The following RTL10 variants were observed in gnomAD, a reference collection of about 807,000 sequenced individuals.
The protein encoded by RTL10 is protein Bop.
For missense variants in RTL10, 477 were observed against 470.7 expected, an observed-to-expected ratio of 1.01 and a Z score of -0.12; for synonymous variants, 199 against 188.4, an observed-to-expected ratio of 1.06 and a Z score of -0.46.
At position 19,849,218 on chromosome 22, in the gene RTL10, T is replaced by C; in HGVS notation, c.*1949A>G. ...TTCTAAAAATAGCTTCCCACCTATT[T>C]CCAAGGTTTCCAGTTGTTTTACCTA... On this transcript the variant is annotated 3_prime_UTR_variant, in exon 3 of 3. Transcript: ENST00000328554. 1.0e-6 allele frequency: 1 copy of C among 985,374 alleles called. No individual in the cohort carries two copies. 61.0% of individuals were successfully genotyped at this position (985,374 alleles called of 1,614,324 possible).
chr22:19,849,030 G>C lies in RTL10; in HGVS notation c.*2137C>G. 1 of 985,522 alleles carries C rather than the reference G, an allele frequency of 1.0e-6. No homozygotes were observed. Among genetic ancestry groups the C allele is most frequent in the Non-Finnish European group, 1.2e-6 (1 of 829,988 alleles). The allele number at this position is 985,522 out of a possible 1,614,324, so 61.0% of individuals were successfully genotyped here. On this transcript the variant is annotated 3_prime_UTR_variant, in exon 3 of 3. Coordinates refer to ENST00000328554, the MANE Select transcript of RTL10 (RefSeq NM_024627.6). ...CAGTCTGACCCAACCCACAAAAGGGGGGATGGGGCCTGAGTCATCGGACGG... is the reference window on the plus strand; with the variant it reads ...CAGTCTGACCCAACCCACAAAAGGGCGGATGGGGCCTGAGTCATCGGACGG...
In RTL10 at chr22:19,848,215, A is replaced by G. The variant is rs2145903195; in HGVS notation, c.*2952T>C. ...TCATGTCCTATCTTCAGGAAATAAA[A>G]TCTCTGGGTATTTCCAAGGGAAGTG... On this transcript the variant is annotated 3_prime_UTR_variant, in exon 3 of 3. Transcript: ENST00000328554. The G allele has an allele frequency of 1.0e-6, 1 of 985,354 alleles. No individual in the cohort carries two copies. The highest frequency in any genetic ancestry group is 1.1e-4 in the East Asian group (1 of 8,818). 61.0% of individuals were successfully genotyped at this position (985,354 alleles called of 1,614,324 possible).
At position 19,847,134 on chromosome 22, in the gene RTL10, C is replaced by CTGCTG. The variant is rs1373547400; in HGVS notation, c.*4028_*4032dup. On this transcript the variant is annotated 3_prime_UTR_variant, in exon 3 of 3. Coordinates refer to ENST00000328554, the MANE Select transcript of RTL10 (RefSeq NM_024627.6). Reference sequence around the variant, plus strand: ...TGGGGTGACACACATTACTTGTGGCCTGCTGTGGCCTTTCCCCTGCCTCAG... The same window carrying CTGCTG: ...TGGGGTGACACACATTACTTGTGGCCTGCTGTGCTGTGGCCTTTCCCCTGCCTCAG... 2 of 985,314 alleles carry CTGCTG rather than the reference C, an allele frequency of 2.0e-6. No individual in the cohort carries two copies. Among genetic ancestry groups the CTGCTG allele is most frequent in the African/African-American group, 3.5e-5 (2 of 57,218 alleles). 61.0% of individuals were successfully genotyped at this position (985,314 alleles called of 1,614,324 possible). A position where few individuals can be genotyped will look rare whatever the true frequency, so the allele number is the denominator to read the frequency against.
At chr22:19,853,337 T>C (rs1291657798) in intron 2 of RTL10, among the ~76,000 whole-genome samples, 2 of 152,052 alleles carry the variant, frequency 1.3e-5, no homozygotes, top group Non-Finnish European at 2.9e-5. Flanking sequence ...CCGCCCCTCC[T>C]TCTCCACGCA....
chr22:19,850,962 G>C lies in RTL10; in HGVS notation c.*205C>G. 11 of 1,380,068 alleles carry C rather than the reference G, an allele frequency of 8.0e-6. No individual in the cohort carries two copies. Among genetic ancestry groups the C allele is most frequent in the Non-Finnish European group, 1.0e-5 (11 of 1,070,764 alleles). The allele number at this position is 1,380,068 out of a possible 1,614,324, so 85.5% of individuals were successfully genotyped here. A position where few individuals can be genotyped will look rare whatever the true frequency, so the allele number is the denominator to read the frequency against. ...CAGCAGAGAGCCAGCAGCAGGGAAAGGGCACAGGGCGGAGGTCAAGCTCTG... is the reference window on the plus strand; with the variant it reads ...CAGCAGAGAGCCAGCAGCAGGGAAACGGCACAGGGCGGAGGTCAAGCTCTG... On this transcript the variant is annotated 3_prime_UTR_variant, in exon 3 of 3. Coordinates refer to ENST00000328554, the MANE Select transcript of RTL10 (RefSeq NM_024627.6).
Position 19,848,571 on chromosome 22 carries a change from C to G in RTL10, c.*2596G>C. 2 of 985,544 alleles carry G rather than the reference C, an allele frequency of 2.0e-6. No homozygotes were observed. Among genetic ancestry groups the G allele is most frequent in the South Asian group, 4.7e-5 (1 of 21,294 alleles). The allele number at this position is 985,544 out of a possible 1,614,324, so 61.0% of individuals were successfully genotyped here. On this transcript the variant is annotated 3_prime_UTR_variant, in exon 3 of 3. Transcript: ENST00000328554. ...TGTGCAGGAAACCTGGACATCACCA[C>G]TTCAAGGCCCTACCTTCCTTTCTGG... is the stretch of plus-strand genomic sequence containing the variant.
In RTL10 at chr22:19,852,324, A is replaced by G. The variant is rs1938128153; in HGVS notation, c.-63T>C. Reference sequence around the variant, plus strand: ...TGGTGGGTGGTGGGGGTGTGGACAGATGTGGCTTGCACGACACAACAGGAC... The same window carrying G: ...TGGTGGGTGGTGGGGGTGTGGACAGGTGTGGCTTGCACGACACAACAGGAC... On this transcript the variant is annotated 5_prime_UTR_variant, in exon 3 of 3. Transcript: ENST00000328554. 2 of 1,531,554 alleles carry G rather than the reference A, an allele frequency of 1.3e-6. No individual in the cohort carries two copies. Among genetic ancestry groups the G allele is most frequent in the Non-Finnish European group, 1.8e-6 (2 of 1,129,598 alleles). The allele number at this position is 1,531,554 out of a possible 1,614,324, so 94.9% of individuals were successfully genotyped here.
rs753414237 is a variant in RTL10, at chr22:19,851,195, C to T, written c.1067G>A (p.Gly356Glu). The change falls in exon 3 of 3, where the codon GGA becomes GAA. Residue 356 changes from glycine to glutamate, a missense_variant. Transcript: ENST00000328554. ...QEVVEAPETPGEPPLSPGF is the reference protein window; with the variant it reads ...QEVVEAPETPEEPPLSPGF ...GAACCCAGGAGAAAGTGGTGGCTCT[C>T]CTGGGGTCTCCGGGGCCTCCACCAC... 2 of 1,591,160 alleles carry T rather than the reference C, an allele frequency of 1.3e-6. No homozygotes were observed. Among genetic ancestry groups the T allele is most frequent in the Non-Finnish European group, 1.7e-6 (2 of 1,168,056 alleles).
chr22:19,848,795 T>C lies in RTL10; in HGVS notation c.*2372A>G, dbSNP rs527796318. 2.1e-5 allele frequency: 21 copies of C among 984,922 alleles called. 1 individual carries two copies. The South Asian group carries it at 8.5e-4, about 40-fold the overall frequency. The allele number at this position is 984,922 out of a possible 1,614,324, so 61.0% of individuals were successfully genotyped here. ...GCCCCAAAGCCCCAATAGGACAGGG[T>C]TCAAAAGAGAAGGCAGCAATCCCAG... On this transcript the variant is annotated 3_prime_UTR_variant, in exon 3 of 3. Coordinates refer to ENST00000328554, the MANE Select transcript of RTL10 (RefSeq NM_024627.6).
chr22:19,847,195 C>T lies in RTL10; in HGVS notation c.*3972G>A. The T allele has an allele frequency of 1.2e-5, 12 of 985,466 alleles. No individual in the cohort carries two copies. Among genetic ancestry groups the T allele is most frequent in the Non-Finnish European group, 1.4e-5 (12 of 829,950 alleles). 61.0% of individuals were successfully genotyped at this position (985,466 alleles called of 1,614,324 possible). ...GAAATATGTCCAGGTAGGCTGTCGT[C>T]AGCACAGGTCTGACAGGCCCCAGCC... On this transcript the variant is annotated 3_prime_UTR_variant, in exon 3 of 3. Transcript: ENST00000328554.
chr22:19,850,420 C>A lies in RTL10; in HGVS notation c.*747G>T, dbSNP rs1938066752. On this transcript the variant is annotated 3_prime_UTR_variant, in exon 3 of 3. Coordinates refer to ENST00000328554, the MANE Select transcript of RTL10 (RefSeq NM_024627.6). ...GCGGAGTGAGCAGGGGATGGCAGCA[C>A]AGCAGCAGGGAAGAGGAGCCTGCTT... 1.0e-6 allele frequency: 1 copy of A among 992,312 alleles called. No homozygotes were observed. Among genetic ancestry groups the A allele is most frequent in the South Asian group, 4.7e-5 (1 of 21,362 alleles). The allele number at this position is 992,312 out of a possible 1,614,324, so 61.5% of individuals were successfully genotyped here. A position where few individuals can be genotyped will look rare whatever the true frequency, so the allele number is the denominator to read the frequency against.
At position 19,847,441 on chromosome 22, in the gene RTL10, A is replaced by G; in HGVS notation, c.*3726T>C. 14 of 985,164 alleles carry G rather than the reference A, an allele frequency of 1.4e-5. No individual in the cohort carries two copies. The highest frequency in any genetic ancestry group is 1.7e-5 in the Non-Finnish European group (14 of 829,868). 61.0% of individuals were successfully genotyped at this position (985,164 alleles called of 1,614,324 possible). A position where few individuals can be genotyped will look rare whatever the true frequency, so the allele number is the denominator to read the frequency against. ...ATGAGGTGGGTGTTAGAGGGCCCAGACCCCAGCCAAGGCACTGCATGGGCA... is the reference window on the plus strand; with the variant it reads ...ATGAGGTGGGTGTTAGAGGGCCCAGGCCCCAGCCAAGGCACTGCATGGGCA... On this transcript the variant is annotated 3_prime_UTR_variant, in exon 3 of 3. Transcript: ENST00000328554.
chr22:19,853,973 TC>T (rs1051294612), intron 2 of RTL10, among the ~76,000 whole-genome samples: 3 of 152,094 alleles, frequency 2.0e-5, no homozygotes, highest in Non-Finnish European at 4.4e-5. Flanking sequence ...TTCTTCCCAG[TC>T]CCCTACCCTG....
rs73379993 is a variant in RTL10, at chr22:19,846,345, C to T, written c.*4822G>A. On this transcript the variant is annotated 3_prime_UTR_variant, in exon 3 of 3. Transcript: ENST00000328554. ...ATACAGGATAATGCCTTTGTACCCC[C>T]CAGGTAGGGAAAGATTTCTTAAGTG... is the stretch of plus-strand genomic sequence containing the variant. The T allele has an allele frequency of 2.8e-3, 2,450 of 863,440 alleles. 47 individuals are homozygous for T. The African/African-American group carries it at 0.041, about 15-fold the overall frequency. 53.5% of individuals were successfully genotyped at this position (863,440 alleles called of 1,614,324 possible). A position where few individuals can be genotyped will look rare whatever the true frequency, so the allele number is the denominator to read the frequency against.
At position 19,846,466 on chromosome 22, in the gene RTL10, G is replaced by T; in HGVS notation, c.*4701C>A. On this transcript the variant is annotated 3_prime_UTR_variant, in exon 3 of 3. Coordinates refer to ENST00000328554, the MANE Select transcript of RTL10 (RefSeq NM_024627.6). ...CTCAGTATGGGCCCCAGAACCCAGG[G>T]CCTGGGGGACTCTGCACACAGGCAT... 1 of 985,016 alleles carries T rather than the reference G, an allele frequency of 1.0e-6. No individual in the cohort carries two copies. Among genetic ancestry groups the T allele is most frequent in the Non-Finnish European group, 1.2e-6 (1 of 829,590 alleles). The allele number at this position is 985,016 out of a possible 1,614,324, so 61.0% of individuals were successfully genotyped here. A position where few individuals can be genotyped will look rare whatever the true frequency, so the allele number is the denominator to read the frequency against.
At position 19,850,525 on chromosome 22, in the gene RTL10, G is replaced by A. The variant is rs1248568171; in HGVS notation, c.*642C>T. The A allele has an allele frequency of 1.5e-5, 16 of 1,074,974 alleles. No individual in the cohort carries two copies. The highest frequency in any genetic ancestry group is 1.5e-5 in the Non-Finnish European group (13 of 888,060). 66.6% of individuals were successfully genotyped at this position (1,074,974 alleles called of 1,614,324 possible). On this transcript the variant is annotated 3_prime_UTR_variant, in exon 3 of 3. Coordinates refer to ENST00000328554, the MANE Select transcript of RTL10 (RefSeq NM_024627.6). The stretch of plus-strand genomic sequence containing the variant: ...TGCAGCTGAGCCTGGCAAGGGGCTT[G>A]CATCCCACCTTCCTGCATCCAAACC...
Position 19,852,475 on chromosome 22 carries a change from A to T in RTL10, c.-214T>A, listed in dbSNP as rs994641341. ...GAGAGACTGTCAGTCGCAGGCCATC[A>T]TCCGAGGCAATCTGTCCAAAGACAA... On this transcript the variant is annotated 5_prime_UTR_variant, in exon 3 of 3. An upstream start codon of the reference 5' UTR is lost. Coordinates refer to ENST00000328554, the MANE Select transcript of RTL10 (RefSeq NM_024627.6). 3.4e-6 allele frequency: 2 copies of T among 582,500 alleles called. No individual in the cohort carries two copies. The highest frequency in any genetic ancestry group is 3.3e-5 in the Admixed American group (1 of 30,666). The allele number at this position is 582,500 out of a possible 1,614,324, so 36.1% of individuals were successfully genotyped here. A position where few individuals can be genotyped will look rare whatever the true frequency, so the allele number is the denominator to read the frequency against.
chr22:19,850,104 C>A lies in RTL10; in HGVS notation c.*1063G>T. The A allele has an allele frequency of 1.0e-6, 1 of 985,486 alleles. No individual in the cohort carries two copies. Among genetic ancestry groups the A allele is most frequent in the Non-Finnish European group, 1.2e-6 (1 of 830,078 alleles). The allele number at this position is 985,486 out of a possible 1,614,324, so 61.0% of individuals were successfully genotyped here. ...GCCCCACCCAGCTTCTTTGATCAGA[C>A]CCTTGGACCCTCAAAGCCCCTGCCA... On this transcript the variant is annotated 3_prime_UTR_variant, in exon 3 of 3. Transcript: ENST00000328554.
intron 2 of RTL10, among the ~76,000 whole-genome samples, chr22:19,852,842 G>A (rs1938141674): frequency 6.6e-6 from 1 of 152,164 alleles, no homozygotes; most frequent in Non-Finnish European, 1.5e-5. Flanking sequence ...CAGTGGTGAA[G>A]TAACTTGTCT....
Sources: gnomAD v4.1 joint callset for allele counts (sites outside exome capture counted in the v4.1 genomes callset) on GRCh38, gnomAD v4.1.1 for gene constraint, MANE v1.5 for transcripts, NCBI Gene and HGNC (gene_info 2026-07-23, HGNC 2026-07-21) for gene names.